The following ERBB4 variants were observed in gnomAD, a reference collection of about 807,000 sequenced individuals.
ERBB4 encodes the protein receptor tyrosine-protein kinase erbB-4.
In ERBB4, 42 loss-of-function variants were observed where a neutral mutation model predicts 158.0. That is an observed-to-expected ratio of 0.27 (90% CI 0.21 to 0.34). ERBB4 has a LOEUF of 0.34. Among genes scored for constraint, ERBB4 ranks in the 10% least tolerant of loss-of-function variants. The pLI, the probability that ERBB4 is intolerant of heterozygous loss-of-function variation, is 1.00. For missense variants in ERBB4, 1,333 were observed against 1,624.1 expected (o/e 0.82, Z 3.08); for synonymous variants, 583 against 558.7 (o/e 1.04, Z -0.61).
intron 1 of ERBB4, among the ~76,000 whole-genome samples, chr2:212,525,635 A>T (rs1377429342): frequency 6.6e-6 from 1 of 151,568 alleles, no homozygotes; most frequent in Non-Finnish European, 1.5e-5. Context: ...CATTTCCACA[A>T]ATGTTACACA....
intron 1 of ERBB4, among the ~76,000 whole-genome samples, chr2:212,218,976 C>T (rs536937360): frequency 2.6e-5 from 4 of 151,238 alleles, no homozygotes; most frequent in South Asian, 4.2e-4. Flanking sequence ...ACCACTCAAA[C>T]GTAAATCTAC....
At chr2:211,546,338 T>C (rs1284816401) in intron 20 of ERBB4, among the ~76,000 whole-genome samples, 3 of 152,238 alleles carry the variant, frequency 2.0e-5, no homozygotes, top group Middle Eastern at 6.8e-3. Context: ...TATGTGTATA[T>C]GCATGTGTAC....
intron 4 of ERBB4, 129 bp downstream of exon 4, chr2:211,787,896 T>C: frequency 1.2e-6 from 1 of 852,330 alleles, no homozygotes; most frequent in South Asian, 1.5e-5. Context: ...TGTTCTGCCA[T>C]ATATAACTGA....
chr2:211,959,487 G>A (rs1356435670), intron 2 of ERBB4, among the ~76,000 whole-genome samples: 2 of 151,408 alleles, frequency 1.3e-5, no homozygotes, highest in Non-Finnish European at 3.0e-5. Context: ...CTTCCATTTT[G>A]GAAAAAAAAA....
intron 25 of ERBB4, among the ~76,000 whole-genome samples, chr2:211,401,735 C>G (rs1434818896): frequency 6.6e-6 from 1 of 151,176 alleles, no homozygotes. Context: ...AGAAAGCAGC[C>G]AGGTTACAGA....
chr2:211,644,161 C>T (rs1367789401), intron 16 of ERBB4, among the ~76,000 whole-genome samples: 2 of 151,958 alleles, frequency 1.3e-5, no homozygotes, highest in African/African-American at 4.8e-5. Context: ...TTCACAGAGG[C>T]TTTTGGTCAT....
At chr2:212,147,072 C>G (rs1165859947) in intron 1 of ERBB4, among the ~76,000 whole-genome samples, 1 of 143,632 alleles carries the variant, frequency 7.0e-6, no homozygotes, top group Non-Finnish European at 1.5e-5. Flanking sequence ...TTCACTGCAG[C>G]CTCCATCTCC....
At chr2:211,746,827 C>CA (rs11332306) in intron 5 of ERBB4, among the ~76,000 whole-genome samples, 4,929 of 105,128 alleles carry the variant, frequency 0.047, 235 homozygotes, top group East Asian at 0.21. Context: ...GAGACTGTCT[C>CA]AAAAAAAAAA....
chr2:212,224,364 T>C (rs1004795940), intron 1 of ERBB4, among the ~76,000 whole-genome samples: 3 of 151,930 alleles, frequency 2.0e-5, no homozygotes, highest in Non-Finnish European at 4.4e-5. Flanking sequence ...GATCATGAGT[T>C]TGACATCTAG....
intron 19 of ERBB4, among the ~76,000 whole-genome samples, chr2:211,572,544 A>G (rs769118097): frequency 2.1e-4 from 32 of 152,236 alleles, no homozygotes; most frequent in East Asian, 1.9e-4. Context: ...CTGAATGAAG[A>G]ACAGAGTGAG....
At chr2:212,014,949 T>A (rs2076473189) in intron 2 of ERBB4, among the ~76,000 whole-genome samples, 1 of 148,658 alleles carries the variant, frequency 6.7e-6, no homozygotes, top group Non-Finnish European at 1.5e-5. Context: ...TCGCAGCACT[T>A]TGGGAGGCGA....
In ERBB4 at chr2:212,130,093, T is replaced by C. The variant is rs376872167; in HGVS notation, c.83-5190A>G. 4.5e-4 allele frequency among the ~76,000 whole-genome samples: 69 copies of C among 152,236 alleles called. 1 individual carries two copies. The highest frequency in any genetic ancestry group is 1.6e-3 in the African/African-American group (67 of 41,572). On this transcript the variant is annotated intron_variant, in intron 1 of 27. Coordinates refer to ENST00000342788, the MANE Select transcript of ERBB4 (RefSeq NM_005235.3). ...CGCTTAAACCATCAAGTTTCATTGATTTCACAAAGCTGTTTATCAAAACAC... is the reference window on the plus strand; with the variant it reads ...CGCTTAAACCATCAAGTTTCATTGACTTCACAAAGCTGTTTATCAAAACAC...
At chr2:211,703,406 T>A (rs2073324071) in intron 11 of ERBB4, among the ~76,000 whole-genome samples, 2 of 152,178 alleles carry the variant, frequency 1.3e-5, no homozygotes, top group African/African-American at 4.8e-5. Context: ...TTCGATGTAC[T>A]TTTTATAAAA....
At chr2:211,775,448 C>T (rs2075849271) in intron 4 of ERBB4, among the ~76,000 whole-genome samples, 1 of 152,156 alleles carries the variant, frequency 6.6e-6, no homozygotes, top group Non-Finnish European at 1.5e-5. Context: ...ATTGCCTACA[C>T]TTTTGTCTAA....
chr2:211,744,691 T>C (rs1364409678), intron 5 of ERBB4, among the ~76,000 whole-genome samples: 4 of 152,230 alleles, frequency 2.6e-5, no homozygotes, highest in African/African-American at 9.6e-5. Context: ...ACAAAGAGGA[T>C]AACTCCCAGC....
At chr2:212,368,743 T>G (rs1358695446) in intron 1 of ERBB4, among the ~76,000 whole-genome samples, 1 of 152,100 alleles carries the variant, frequency 6.6e-6, no homozygotes. Context: ...CACTCTTTTT[T>G]CCCATGCCCA....
chr2:212,207,966 CTG>C (rs1043726906), intron 1 of ERBB4, among the ~76,000 whole-genome samples: 15 of 152,024 alleles, frequency 9.9e-5, no homozygotes, highest in Admixed American at 2.6e-4. Context: ...GTAAAATAAA[CTG>C]TGCTAATTAA....
rs34492305 is a variant in ERBB4 at position 211,675,792 on chromosome 2, T to TTATATATATATATA, written c.1623-2549_1623-2536dup. Among the ~76,000 whole-genome samples, 280 of 93,564 alleles carry TTATATATATATATA rather than the reference T, an allele frequency of 3.0e-3. 2 individuals are homozygous for TTATATATATATATA. Among genetic ancestry groups the TTATATATATATATA allele is most frequent in the African/African-American group, 7.2e-3 (230 of 31,916 alleles). The allele number at this position is 93,564 out of a possible 152,430, so 61.4% of individuals were successfully genotyped here. A position where few individuals can be genotyped will look rare whatever the true frequency, so the allele number is the denominator to read the frequency against. The stretch of plus-strand genomic sequence containing the variant: ...TATAATATATATATAAAATATAATA[T>TTATATATATATATA]TATATATATATATATATAACAAATA... On this transcript the variant is annotated intron_variant, in intron 13 of 27. Coordinates refer to ENST00000342788, the MANE Select transcript of ERBB4 (RefSeq NM_005235.3).
intron 25 of ERBB4, among the ~76,000 whole-genome samples, chr2:211,398,067 T>A (rs2062958272): frequency 1.3e-5 from 2 of 151,776 alleles, no homozygotes; most frequent in African/African-American, 4.9e-5. Flanking sequence ...ACATCACATT[T>A]CTTAAAGTGA....
Sources: gnomAD v4.1 joint callset for allele counts (sites outside exome capture counted in the v4.1 genomes callset) on GRCh38, gnomAD v4.1.1 for gene constraint, MANE v1.5 for transcripts, NCBI Gene and HGNC (gene_info 2026-07-23, HGNC 2026-07-21) for gene names.